SAMMSON: variants seen among roughly 807,000 people sequenced by gnomAD.
SAMMSON encodes the protein survival associated mitochondrial melanoma specific oncogenic non-coding RNA.
intron 6 of SAMMSON, among the ~76,000 whole-genome samples, chr3:70,250,849 A>G (rs1183741067): frequency 6.6e-6 from 1 of 152,220 alleles, no homozygotes; most frequent in Non-Finnish European, 1.5e-5. Context: ...GCCAGGTTGA[A>G]TGGGCAGACT....
intron 4 of SAMMSON, among the ~76,000 whole-genome samples, chr3:70,193,704 C>CTGAG (rs905694633): frequency 6.6e-6 from 1 of 152,126 alleles, no homozygotes; most frequent in African/African-American, 2.4e-5. Flanking sequence ...TTTGTGTGGA[C>CTGAG]TGAGGGAACT....
At chr3:70,218,538 C>T (rs560183724) in intron 4 of SAMMSON, among the ~76,000 whole-genome samples, 1 of 152,140 alleles carries the variant, frequency 6.6e-6, no homozygotes, top group Non-Finnish European at 1.5e-5. Context: ...GTTGCTGGAA[C>T]GTTTACAGCC....
chr3:70,340,881 C>T (rs1349137078), intron 7 of SAMMSON, among the ~76,000 whole-genome samples: 5 of 152,006 alleles, frequency 3.3e-5, no homozygotes, highest in Non-Finnish European at 7.4e-5. Flanking sequence ...TCTTGTGAGT[C>T]CTCTTGGTGA....
intron 7 of SAMMSON, among the ~76,000 whole-genome samples, chr3:70,337,380 G>A (rs929856746): frequency 1.3e-5 from 2 of 151,394 alleles, no homozygotes; most frequent in African/African-American, 4.8e-5. Context: ...AGAGTGGGCT[G>A]GCAAAGTTGG....
chr3:70,317,579 A>T (rs1702503824), intron 7 of SAMMSON, among the ~76,000 whole-genome samples: 1 of 151,542 alleles, frequency 6.6e-6, no homozygotes, highest in Admixed American at 6.6e-5. Context: ...ATATCTTCAA[A>T]ATATGTGTAT....
intron 2 of SAMMSON, among the ~76,000 whole-genome samples, chr3:70,426,714 C>G (rs75369086): frequency 0.012 from 1,855 of 152,306 alleles, 31 homozygotes; most frequent in African/African-American, 0.042. Context: ...CAAACCAACA[C>G]TGTCACAAGA....
At position 70,124,814 on chromosome 3, in the gene SAMMSON, C is replaced by CAA. The variant is rs1208323683; in HGVS notation, n.507+53273_507+53274dup. On this transcript the variant is annotated intron_variant and non_coding_transcript_variant, in intron 4 of 9. Transcript: ENST00000642114. The stretch of plus-strand genomic sequence containing the variant: ...CAGGCAACAGAGCGAGACTCCATCT[C>CAA]AAAAAAAAAAAAAAAAAAAAAAAAA... Among the ~76,000 whole-genome samples, 465 of 53,556 alleles carry CAA rather than the reference C, an allele frequency of 8.7e-3. 1 individual carries two copies. Among genetic ancestry groups the CAA allele is most frequent in the Admixed American group, 0.01 (36 of 3,600 alleles). 35.1% of individuals were successfully genotyped at this position (53,556 alleles called of 152,430 possible).
chr3:70,233,928 C>A (rs1036342330), intron 4 of SAMMSON, among the ~76,000 whole-genome samples: 12 of 152,140 alleles, frequency 7.9e-5, no homozygotes, highest in Non-Finnish European at 1.5e-4. Flanking sequence ...TTGGCTGTTG[C>A]AAATAAAGCT....
chr3:70,177,376 T>C (rs1351777472), intron 4 of SAMMSON, among the ~76,000 whole-genome samples: 1 of 152,188 alleles, frequency 6.6e-6, no homozygotes, highest in Non-Finnish European at 1.5e-5. Context: ...TGGTCTCTTG[T>C]CCAGAAGGTA....
intron 4 of SAMMSON, among the ~76,000 whole-genome samples, chr3:70,186,969 A>C (rs1478681267): frequency 6.6e-6 from 1 of 152,118 alleles, no homozygotes; most frequent in East Asian, 1.9e-4. Context: ...TGATTCAGTC[A>C]ATGTCTTCTC....
At chr3:70,365,674 T>C (rs1702914565) in intron 9 of SAMMSON, among the ~76,000 whole-genome samples, 1 of 151,778 alleles carries the variant, frequency 6.6e-6, no homozygotes, top group African/African-American at 2.4e-5. Flanking sequence ...TGCAGTTAGG[T>C]GTAGTTTCTT....
At chr3:70,349,282 GA>G (rs1350679174) in intron 7 of SAMMSON, among the ~76,000 whole-genome samples, 1 of 152,114 alleles carries the variant, frequency 6.6e-6, no homozygotes, top group Non-Finnish European at 1.5e-5. Context: ...GCTGGGGCAG[GA>G]AAATTGCTTG....
chr3:70,171,886 A>G (rs1700960413), intron 4 of SAMMSON, among the ~76,000 whole-genome samples: 1 of 151,962 alleles, frequency 6.6e-6, no homozygotes, highest in African/African-American at 2.4e-5. Context: ...GGAGAGGTAT[A>G]GAATTCAGCT....
At chr3:70,354,201 A>AG (rs1387498805) in exon 8 of SAMMSON, 2 of 152,202 alleles carry the variant, frequency 1.3e-5, no homozygotes, top group African/African-American at 4.8e-5. Context: ...CACCAGAGGA[A>AG]GCTGCATTAA....
chr3:70,340,652 C>G (rs1370621228), intron 7 of SAMMSON, among the ~76,000 whole-genome samples: 1 of 152,098 alleles, frequency 6.6e-6, no homozygotes, highest in Non-Finnish European at 1.5e-5. Flanking sequence ...CATTGAATAT[C>G]TAATGAGCTC....
chr3:70,282,923 G>C (rs1171590766), intron 6 of SAMMSON, among the ~76,000 whole-genome samples: 1 of 152,090 alleles, frequency 6.6e-6, no homozygotes, highest in Non-Finnish European at 1.5e-5. Flanking sequence ...TAGTAAAAGG[G>C]GTAATAAAAG....
intron 4 of SAMMSON, among the ~76,000 whole-genome samples, chr3:70,191,373 T>C (rs889676016): frequency 6.6e-6 from 1 of 152,204 alleles, no homozygotes; most frequent in Non-Finnish European, 1.5e-5. Flanking sequence ...CAATTCATGC[T>C]CCTAGAACCC....
chr3:70,373,814 ATATCT>A (rs1296426684), intron 9 of SAMMSON, among the ~76,000 whole-genome samples: 1 of 151,984 alleles, frequency 6.6e-6, no homozygotes, highest in Non-Finnish European at 1.5e-5. Flanking sequence ...GTTCTTCTTT[ATATCT>A]TATCTTTCTC....
At chr3:70,332,076 G>T (rs1358525561) in intron 7 of SAMMSON, among the ~76,000 whole-genome samples, 1 of 152,164 alleles carries the variant, frequency 6.6e-6, no homozygotes, top group Non-Finnish European at 1.5e-5. Flanking sequence ...TTTTGAGTGT[G>T]GCTTTCTCTT....
Sources: allele counts gnomAD v4.1 joint callset (sites outside exome capture counted in the v4.1 genomes callset), GRCh38; gene constraint gnomAD v4.1.1; transcripts MANE v1.5; gene names NCBI Gene and HGNC (gene_info 2026-07-23, HGNC 2026-07-21).